KIF6: variants seen among roughly 807,000 people sequenced by gnomAD.
The protein encoded by KIF6 is kinesin-like protein KIF6.
Under a neutral mutation model 112.7 loss-of-function variants are expected in KIF6, and 106 were observed. The observed-to-expected ratio is 0.94, with a 90% confidence interval of 0.80 to 1.11. The LOEUF (loss-of-function observed/expected upper bound fraction) is 1.11. Among genes scored for constraint, KIF6 ranks in the 50% least tolerant of loss-of-function variants. KIF6 has a pLI of 0.00. For synonymous variants in KIF6, 339 were observed against 339.9 expected (o/e 1.00, Z 0.03); for missense variants, 929 against 964.0 (o/e 0.96, Z 0.48).
intron 20 of KIF6, among the ~76,000 whole-genome samples, chr6:39,346,124 TCCCTCTCC>T (rs1763760634): frequency 1.4e-5 from 1 of 70,260 alleles, no homozygotes; most frequent in Non-Finnish European, 2.4e-5. Context: ...TCCCTCTCCC[TCCCTCTCC>T]CTCTCTCTCT....
intron 15 of KIF6, among the ~76,000 whole-genome samples, chr6:39,387,162 C>T (rs965867175): frequency 3.9e-5 from 6 of 152,000 alleles, no homozygotes; most frequent in African/African-American, 7.3e-5. Flanking sequence ...TGTATGTATT[C>T]GAGCTATTCC....
rs149387666 is a variant in KIF6, at chr6:39,438,394, G to T, written c.1646-7233C>A. On this transcript the variant is annotated intron_variant, in intron 13 of 22. Transcript: ENST00000287152. ...AGAAGAAGGCATTGTTATCATAGGA[G>T]ATGAGAGCTCCATGTGTGTTACTGC... Among the ~76,000 whole-genome samples, 684 of 152,302 alleles carry T rather than the reference G, an allele frequency of 4.5e-3. 5 individuals carry two copies. The highest frequency in any genetic ancestry group is 0.022 in the Admixed American group (339 of 15,300).
intron 3 of KIF6, among the ~76,000 whole-genome samples, chr6:39,644,741 T>C (rs771952519): frequency 2.6e-5 from 4 of 152,142 alleles, no homozygotes; most frequent in Non-Finnish European, 4.4e-5. Flanking sequence ...AATTAAATAA[T>C]GGTGATTGAT....
rs980916484 is a variant in KIF6 at position 39,330,187 on chromosome 6, G to A, written c.*6345C>T. 14 of 152,116 alleles carry A rather than the reference G, an allele frequency of 9.2e-5. No individual in the cohort carries two copies. Among genetic ancestry groups the A allele is most frequent in the African/African-American group, 3.1e-4 (13 of 41,412 alleles). 9.4% of individuals were successfully genotyped at this position (152,116 alleles called of 1,614,324 possible). ...CTTTCCTGGAACCAGGGACTGACTA[G>A]GAAGCCCTAAAACAGCTTCATAGGC... On this transcript the variant is annotated 3_prime_UTR_variant, in exon 23 of 23. Coordinates refer to ENST00000287152, the MANE Select transcript of KIF6 (RefSeq NM_145027.6).
chr6:39,604,910 T>C (rs1782799936), intron 6 of KIF6, among the ~76,000 whole-genome samples: 1 of 152,156 alleles, frequency 6.6e-6, no homozygotes, highest in Non-Finnish European at 1.5e-5. Flanking sequence ...TGTTGAAGTT[T>C]CCTCTGTGGA....
intron 5 of KIF6, among the ~76,000 whole-genome samples, chr6:39,633,107 C>T (rs1561881835): frequency 6.6e-6 from 1 of 151,834 alleles, no homozygotes; most frequent in African/African-American, 2.4e-5. Context: ...ATATGCCTTA[C>T]TTGGTTTAGT....
chr6:39,526,403 G>A (rs930852551), intron 13 of KIF6, among the ~76,000 whole-genome samples: 6 of 152,046 alleles, frequency 3.9e-5, no homozygotes, highest in East Asian at 1.9e-4. Flanking sequence ...TTTCTTGTGC[G>A]TTTATTACAC....
chr6:39,557,912 C>A (rs1275579798), intron 10 of KIF6, among the ~76,000 whole-genome samples: 1 of 149,986 alleles, frequency 6.7e-6, no homozygotes. Flanking sequence ...TACTTGTTAT[C>A]TTTGGTGAAA....
intron 19 of KIF6, among the ~76,000 whole-genome samples, chr6:39,348,388 A>T (rs1763963791): frequency 6.6e-6 from 1 of 152,086 alleles, no homozygotes; most frequent in South Asian, 2.1e-4. Context: ...CTCTTTGCGG[A>T]GGCCCAGCTG....
chr6:39,425,452 A>T (rs1050876742), intron 14 of KIF6, among the ~76,000 whole-genome samples: 4 of 151,982 alleles, frequency 2.6e-5, no homozygotes, highest in Admixed American at 6.6e-5. Flanking sequence ...TATGCTTTTT[A>T]AAAAATGCTA....
chr6:39,479,858 C>T (rs923052279), intron 13 of KIF6, among the ~76,000 whole-genome samples: 2 of 152,058 alleles, frequency 1.3e-5, no homozygotes, highest in African/African-American at 4.8e-5. Context: ...GGCTTGGTCA[C>T]TGCTGGTGTA....
At chr6:39,433,296 AG>A (rs1349802163) in intron 13 of KIF6, among the ~76,000 whole-genome samples, 1 of 152,250 alleles carries the variant, frequency 6.6e-6, no homozygotes, top group Non-Finnish European at 1.5e-5. Context: ...CCGTGGGAGC[AG>A]AAAGGACGTG....
At chr6:39,676,632 A>G (rs1787155763) in intron 3 of KIF6, among the ~76,000 whole-genome samples, 1 of 152,136 alleles carries the variant, frequency 6.6e-6, no homozygotes, top group Non-Finnish European at 1.5e-5. Context: ...CAATAGAGAA[A>G]ATGGGAGGTA....
chr6:39,402,755 A>G (rs1191454952), intron 15 of KIF6, among the ~76,000 whole-genome samples: 2 of 152,226 alleles, frequency 1.3e-5, no homozygotes, highest in East Asian at 1.9e-4. Context: ...TATCTTCTCA[A>G]CCACCTTACA....
At chr6:39,347,237 C>G (rs1763876177) in intron 19 of KIF6, among the ~76,000 whole-genome samples, 1 of 152,192 alleles carries the variant, frequency 6.6e-6, no homozygotes, top group African/African-American at 2.4e-5. Flanking sequence ...AACCTGTGCT[C>G]TCAGCCACAA....
chr6:39,515,426 C>T (rs958656438), intron 13 of KIF6, among the ~76,000 whole-genome samples: 2 of 152,232 alleles, frequency 1.3e-5, no homozygotes, highest in African/African-American at 4.8e-5. Context: ...TGGGCGCAAT[C>T]ATCTTTGCGT....
chr6:39,572,414 T>C (rs1780692231), intron 10 of KIF6, among the ~76,000 whole-genome samples: 1 of 152,156 alleles, frequency 6.6e-6, no homozygotes, highest in Non-Finnish European at 1.5e-5. Flanking sequence ...AAAGCACCTA[T>C]TAAAATGATT....
chr6:39,710,838 C>T (rs1272806715), intron 3 of KIF6, among the ~76,000 whole-genome samples: 3 of 151,836 alleles, frequency 2.0e-5, no homozygotes, highest in Non-Finnish European at 4.4e-5. Flanking sequence ...GAGTTTGAGA[C>T]CAGTCTGAGA....
At chr6:39,586,815 G>T (rs562259110) in intron 7 of KIF6, among the ~76,000 whole-genome samples, 370 of 152,296 alleles carry the variant, frequency 2.4e-3, no homozygotes, top group Non-Finnish European at 4.0e-3. Context: ...ATAGGATAGT[G>T]GTTGAGGTCC....
Sources: allele counts gnomAD v4.1 joint callset (sites outside exome capture counted in the v4.1 genomes callset), GRCh38; gene constraint gnomAD v4.1.1; transcripts MANE v1.5; gene names NCBI Gene and HGNC (gene_info 2026-07-23, HGNC 2026-07-21).